CNTN4: variants seen among roughly 807,000 people sequenced by gnomAD.
CNTN4 encodes contactin-4.
In CNTN4, 77 loss-of-function variants were observed where a neutral mutation model predicts 122.5. The observed-to-expected ratio is 0.63, with a 90% CI of 0.52 to 0.76. The LOEUF is 0.76. CNTN4 is among the 30% of genes least tolerant of loss of function. CNTN4 has a pLI of 0.00. For missense variants in CNTN4, 1,256 were observed against 1,259.1 expected (o/e 1.00, Z 0.04); for synonymous variants, 512 against 447.0 (o/e 1.15, Z -1.83).
chr3:2,474,703 T>G (rs1177863868), intron 3 of CNTN4, among the ~76,000 whole-genome samples: 1 of 152,212 alleles, frequency 6.6e-6, no homozygotes, highest in Non-Finnish European at 1.5e-5. Flanking sequence ...TAGAAACCCA[T>G]TATTTAATAT....
chr3:2,381,041 A>T (rs1405484413), intron 3 of CNTN4, among the ~76,000 whole-genome samples: 1 of 150,242 alleles, frequency 6.7e-6, no homozygotes, highest in East Asian at 2.0e-4. Flanking sequence ...AGTCTTGGTC[A>T]GTCGCCCAGG....
At position 2,509,568 on chromosome 3, in the gene CNTN4, C is replaced by T. The variant is rs114658037; in HGVS notation, c.-88-61848C>T. ...AGGGCATGGATCTGTTTTGGGGATA[C>T]TTGAGTTGATAATGGGCACAGAAGG... On this transcript the variant is annotated intron_variant, in intron 3 of 24. Transcript: ENST00000418658. Among the ~76,000 whole-genome samples, 520 of 152,248 alleles carry T rather than the reference C, an allele frequency of 3.4e-3. 6 individuals carry two copies. Among genetic ancestry groups the T allele is most frequent in the African/African-American group, 0.012 (510 of 41,562 alleles).
chr3:2,299,706 C>A (rs1387716091), intron 2 of CNTN4, among the ~76,000 whole-genome samples: 1 of 152,036 alleles, frequency 6.6e-6, no homozygotes, highest in African/African-American at 2.4e-5. Flanking sequence ...CAGAATATTT[C>A]ATGAAATTTG....
rs576036357 is a variant in CNTN4 at position 2,179,346 on chromosome 3, C to A, written c.-145+78707C>A. 3.1e-4 allele frequency among the ~76,000 whole-genome samples: 47 copies of A among 152,092 alleles called. No individual in the cohort carries two copies. The South Asian group carries it at 3.7e-3, about 12-fold the overall frequency. On this transcript the variant is annotated intron_variant, in intron 2 of 24. Transcript: ENST00000418658. The stretch of plus-strand genomic sequence containing the variant: ...TGTTCTTTGAATAAGGTAAAGCTGT[C>A]TAGCTGACAGTCCATAATGCCCCAG...
At chr3:2,125,027 G>A (rs1230682241) in intron 2 of CNTN4, among the ~76,000 whole-genome samples, 2 of 152,040 alleles carry the variant, frequency 1.3e-5, no homozygotes, top group African/African-American at 4.8e-5. Flanking sequence ...TTAACTATAG[G>A]CACTATGTCG....
At chr3:2,680,543 A>G (rs1395871216) in intron 4 of CNTN4, among the ~76,000 whole-genome samples, 2 of 152,194 alleles carry the variant, frequency 1.3e-5, no homozygotes, top group East Asian at 1.9e-4. Context: ...AATATATTTC[A>G]TAACCGGAGA....
intron 3 of CNTN4, among the ~76,000 whole-genome samples, chr3:2,486,007 TGC>T (rs1167885879): frequency 6.6e-6 from 1 of 152,128 alleles, no homozygotes; most frequent in Non-Finnish European, 1.5e-5. Context: ...CAATAAATCT[TGC>T]TGCTGCTCAC....
At chr3:2,620,761 C>T (rs2081959984) in intron 4 of CNTN4, among the ~76,000 whole-genome samples, 1 of 152,092 alleles carries the variant, frequency 6.6e-6, no homozygotes, top group Non-Finnish European at 1.5e-5. Flanking sequence ...GAAATATGCA[C>T]ATCCCTGGAC....
chr3:2,961,027 G>A (rs1374936983), intron 13 of CNTN4, among the ~76,000 whole-genome samples: 9 of 143,298 alleles, frequency 6.3e-5, no homozygotes, highest in Non-Finnish European at 1.2e-4. Flanking sequence ...TCAGGAGATC[G>A]AGACCATCCT....
chr3:2,612,784 T>A (rs2149839350), intron 4 of CNTN4, among the ~76,000 whole-genome samples: 1 of 152,292 alleles, frequency 6.6e-6, no homozygotes, highest in African/African-American at 2.4e-5. Flanking sequence ...CATATAGACA[T>A]TTAATTTTGT....
chr3:2,829,045 T>G (rs1445536440), intron 7 of CNTN4, among the ~76,000 whole-genome samples: 1 of 152,108 alleles, frequency 6.6e-6, no homozygotes. Context: ...ATCCAGGAAT[T>G]AAATATTCTT....
rs115006148 is a variant in CNTN4, at chr3:2,169,126, G to A, written c.-145+68487G>A. 7.7e-3 allele frequency among the ~76,000 whole-genome samples: 1,170 copies of A among 152,164 alleles called. 12 individuals carry two copies. Among genetic ancestry groups the A allele is most frequent in the African/African-American group, 0.027 (1,110 of 41,522 alleles). ...TTGTGAAATTTTAGAAAGGCTGTAC[G>A]AAGTAACATTAAAAATTGTAGACCA... is the stretch of plus-strand genomic sequence containing the variant. On this transcript the variant is annotated intron_variant, in intron 2 of 24. Transcript: ENST00000418658.
chr3:2,328,330 C>T (rs1359247567), intron 2 of CNTN4, among the ~76,000 whole-genome samples: 5 of 150,344 alleles, frequency 3.3e-5, no homozygotes, highest in Admixed American at 2.0e-4. Context: ...GGCGGGAACC[C>T]GGGAGGCGGA....
chr3:2,628,342 C>T (rs774802195), intron 4 of CNTN4, among the ~76,000 whole-genome samples: 1 of 152,082 alleles, frequency 6.6e-6, no homozygotes, highest in South Asian at 2.1e-4. Flanking sequence ...GGCAGGAGGC[C>T]GTAGCTGTGT....
chr3:2,338,514 T>C (rs79007158), intron 2 of CNTN4, among the ~76,000 whole-genome samples: 6,319 of 152,034 alleles, frequency 0.042, 171 homozygotes, highest in East Asian at 0.11. Context: ...AAGTGATCTA[T>C]AGCAGAAACT....
intron 3 of CNTN4, among the ~76,000 whole-genome samples, chr3:2,514,830 C>G (rs964634571): frequency 2.0e-5 from 3 of 152,130 alleles, no homozygotes; most frequent in African/African-American, 7.2e-5. Flanking sequence ...ACTTAGCTGT[C>G]ATTTTAAACA....
Position 2,773,762 on chromosome 3 carries a change from C to CTTTTTTTTTTTTTTTTTTT in CNTN4, c.358+28081_358+28082insTTTTTTTTTTTTTTTTTTT, listed in dbSNP as rs1234334638. Among the ~76,000 whole-genome samples the CTTTTTTTTTTTTTTTTTTT allele has an allele frequency of 2.8e-5, 3 of 107,544 alleles. 1 individual carries two copies. The highest frequency in any genetic ancestry group is 3.6e-5 in the Non-Finnish European group (2 of 55,884). 70.6% of individuals were successfully genotyped at this position (107,544 alleles called of 152,430 possible). ...GAAGCCTTCATCTCAATGTAGTAGA[C>CTTTTTTTTTTTTTTTTTTT]TTTTTTTTTTTTTTTTGAGACGGAG... On this transcript the variant is annotated intron_variant, in intron 6 of 24. Coordinates refer to ENST00000418658, the MANE Select transcript of CNTN4 (RefSeq NM_175607.3).
Position 2,372,385 on chromosome 3 carries a change from A to T in CNTN4, c.-89+33152A>T, listed in dbSNP as rs183354971. ...AGAATCCAAAGGGCAATAAAATATA[A>T]ATATGTTTCTAATTTGTGTATTCTT... On this transcript the variant is annotated intron_variant, in intron 3 of 24. Coordinates refer to ENST00000418658, the MANE Select transcript of CNTN4 (RefSeq NM_175607.3). Among the ~76,000 whole-genome samples, 4 of 152,366 alleles carry T rather than the reference A, an allele frequency of 2.6e-5. No homozygotes were observed. In the East Asian group the frequency reaches 7.7e-4, roughly 29 times the overall value.
intron 2 of CNTN4, among the ~76,000 whole-genome samples, chr3:2,225,081 T>C (rs1019417805): frequency 2.9e-4 from 42 of 143,538 alleles, no homozygotes; most frequent in Admixed American, 3.5e-4. Context: ...ACCCGGGAGG[T>C]AGAGCTTGCA....
Sources: allele counts gnomAD v4.1 joint callset (sites outside exome capture counted in the v4.1 genomes callset), GRCh38; gene constraint gnomAD v4.1.1; transcripts MANE v1.5; gene names NCBI Gene and HGNC (gene_info 2026-07-23, HGNC 2026-07-21).